TRIM13: variants seen among roughly 807,000 people sequenced by gnomAD.
TRIM13 encodes E3 ubiquitin-protein ligase TRIM13.
In TRIM13, 15 loss-of-function variants were observed where a neutral mutation model predicts 27.1. The ratio of observed to expected loss-of-function variants is 0.55; its 90% CI spans 0.37 to 0.85. The LOEUF is 0.85. Ranked by LOEUF, TRIM13 falls within the 40% of genes least tolerant of loss-of-function variation. The pLI, the probability that TRIM13 is intolerant of heterozygous loss-of-function variation, is 0.00. For missense variants in TRIM13, 402 were observed against 472.2 expected (o/e 0.85, Z 1.38); for synonymous variants, 193 against 171.5 (o/e 1.13, Z -0.98).
chr13:50,003,782 G>C (rs1194899025), intron 1 of TRIM13, among the ~76,000 whole-genome samples: 1 of 152,156 alleles, frequency 6.6e-6, no homozygotes, highest in Non-Finnish European at 1.5e-5. Context: ...CATAGTGGTG[G>C]TATGCAACTT....
At position 50,014,960 on chromosome 13, in the gene TRIM13, T is replaced by C. The variant is rs1306225106; in HGVS notation, c.*1796T>C. On this transcript the variant is annotated 3_prime_UTR_variant, in exon 2 of 2. Transcript: ENST00000378182. ...TGTCTCATTCCTAACATGTAATTCA[T>C]GATTTAGCCACTAAATTTCTAAGGA... 1.8e-5 allele frequency: 3 copies of C among 165,828 alleles called. No individual in the cohort carries two copies. The highest frequency in any genetic ancestry group is 1.3e-4 in the Admixed American group (2 of 15,124). The allele number at this position is 165,828 out of a possible 1,614,324, so 10.3% of individuals were successfully genotyped here.
rs1876648118 is a variant in TRIM13 at position 50,016,826 on chromosome 13, C to T, written c.*3662C>T. On this transcript the variant is annotated 3_prime_UTR_variant, in exon 2 of 2. Transcript: ENST00000378182. ...TTAATTTTTAGGAGGAAAAGAAAAG[C>T]CTGCATGTGTTCTTTATTGGTATCA... The T allele has an allele frequency of 6.0e-6, 1 of 166,576 alleles. No homozygotes were observed. The highest frequency in any genetic ancestry group is 2.4e-5 in the African/African-American group (1 of 41,300). 10.3% of individuals were successfully genotyped at this position (166,576 alleles called of 1,614,324 possible). A position where few individuals can be genotyped will look rare whatever the true frequency, so the allele number is the denominator to read the frequency against.
At chr13:49,999,107 GCGTCTGGGCCGCTCCCTTTTCCTTGT>G (rs1873668862) in intron 1 of TRIM13, among the ~76,000 whole-genome samples, 8 of 35,786 alleles carry the variant, frequency 2.2e-4, no homozygotes, top group Middle Eastern at 0.033. Context: ...CCCTATGTGG[GCGTCTGGGCCGCTCCCTTTTCCTTGT>G]CACCCTATGT....
At chr13:50,003,195 G>A (rs1874266377) in intron 1 of TRIM13, among the ~76,000 whole-genome samples, 1 of 152,148 alleles carries the variant, frequency 6.6e-6, no homozygotes, top group South Asian at 2.1e-4. Flanking sequence ...TCTATGAAGT[G>A]AGTTTCAATG....
chr13:49,998,640 C>G (rs984359886), intron 1 of TRIM13, among the ~76,000 whole-genome samples: 2 of 151,886 alleles, frequency 1.3e-5, no homozygotes, highest in Non-Finnish European at 2.9e-5. Context: ...AAAGAGTTCT[C>G]GGTGGAATTT....
In TRIM13 at chr13:50,013,266, A is replaced by G. The variant is rs912468784; in HGVS notation, c.*102A>G. On this transcript the variant is annotated 3_prime_UTR_variant, in exon 2 of 2. Transcript: ENST00000378182. ...CGATTCTAGTCACATATTTTCCTCC[A>G]AAAGTATTCCTTCCAAAAATAATCT... 6.6e-6 allele frequency: 8 copies of G among 1,203,702 alleles called. No homozygotes were observed. Among genetic ancestry groups the G allele is most frequent in the Admixed American group, 6.0e-5 (2 of 33,362 alleles). 74.6% of individuals were successfully genotyped at this position (1,203,702 alleles called of 1,614,324 possible). A position where few individuals can be genotyped will look rare whatever the true frequency, so the allele number is the denominator to read the frequency against.
At chr13:50,003,540 C>G (rs976106439) in intron 1 of TRIM13, among the ~76,000 whole-genome samples, 44 of 152,092 alleles carry the variant, frequency 2.9e-4, no homozygotes, top group African/African-American at 9.4e-4. Context: ...GGGTTGATCT[C>G]TTAAAAGAAT....
Position 50,011,915 on chromosome 13 carries a change from A to ATTTTTTT in TRIM13, c.-6-14_-6-8dup. The ATTTTTTT allele has an allele frequency of 8.6e-7, 1 of 1,157,750 alleles. No homozygotes were observed. The highest frequency in any genetic ancestry group is 1.2e-6 in the Non-Finnish European group (1 of 840,684). The allele number at this position is 1,157,750 out of a possible 1,614,324, so 71.7% of individuals were successfully genotyped here. On this transcript the variant is annotated intron_variant, in intron 1 of 1. Transcript: ENST00000378182. ...TGGTGACGGTTATTGGAGTAAAATA[A>ATTTTTTT]TTTTTTTTTTTTCTGGTAGGATGTG... is the stretch of plus-strand genomic sequence containing the variant.
At chr13:50,009,145 AT>A (rs1385625455) in intron 1 of TRIM13, among the ~76,000 whole-genome samples, 5 of 152,150 alleles carry the variant, frequency 3.3e-5, no homozygotes, top group Non-Finnish European at 7.4e-5. Context: ...TGATAAACCC[AT>A]TACAAGTTAA....
chr13:50,008,606 C>T (rs1875124758), intron 1 of TRIM13, among the ~76,000 whole-genome samples: 2 of 152,030 alleles, frequency 1.3e-5, no homozygotes, highest in South Asian at 4.2e-4. Flanking sequence ...CCACTGTAGT[C>T]CAGCCTGGAC....
At chr13:50,008,333 C>T (rs1875083362) in intron 1 of TRIM13, among the ~76,000 whole-genome samples, 1 of 152,156 alleles carries the variant, frequency 6.6e-6, no homozygotes, top group African/African-American at 2.4e-5. Context: ...ATATGTAGTA[C>T]TCTTTGGTTT....
At chr13:50,011,016 C>G (rs181847708) in intron 1 of TRIM13, among the ~76,000 whole-genome samples, 5 of 152,310 alleles carry the variant, frequency 3.3e-5, no homozygotes, top group African/African-American at 1.2e-4. Context: ...ATTTTTACTG[C>G]TGCATCAAGA....
chr13:50,011,874 T>G, intron 1 of TRIM13, 61 bp from the exon 2 acceptor site: 1 of 1,487,828 alleles, frequency 6.7e-7, no homozygotes, highest in Non-Finnish European at 9.0e-7. Flanking sequence ...TTCTTCTAAT[T>G]ATTACATAGT....
rs1876399423 is a variant in TRIM13, at chr13:50,015,327, T to C, written c.*2163T>C. 1.7e-6 allele frequency: 1 copy of C among 595,530 alleles called. No homozygotes were observed. 36.9% of individuals were successfully genotyped at this position (595,530 alleles called of 1,614,324 possible). On this transcript the variant is annotated 3_prime_UTR_variant, in exon 2 of 2. Transcript: ENST00000378182. ...CAACTCGAATTTGCAAACACAGCCA[T>C]GGATACACTATTTACCTTACAGTAG...
At chr13:50,009,744 A>AC (rs1414279727) in intron 1 of TRIM13, among the ~76,000 whole-genome samples, 1 of 130,166 alleles carries the variant, frequency 7.7e-6, no homozygotes, top group Non-Finnish European at 1.7e-5. Flanking sequence ...CTCAAAAAAA[A>AC]AAAAAAAAAA....
chr13:50,006,467 A>G (rs987204020), intron 1 of TRIM13, among the ~76,000 whole-genome samples: 8 of 152,158 alleles, frequency 5.3e-5, no homozygotes, highest in African/African-American at 1.7e-4. Flanking sequence ...TGAGTAAATT[A>G]GGTTTCTTTT....
At chr13:50,000,445 C>T (rs1490029864) in intron 1 of TRIM13, among the ~76,000 whole-genome samples, 1 of 152,096 alleles carries the variant, frequency 6.6e-6, no homozygotes, top group Non-Finnish European at 1.5e-5. Context: ...CTAAATGTTA[C>T]AATACCAAAA....
intron 1 of TRIM13, among the ~76,000 whole-genome samples, chr13:50,010,540 A>T (rs556894166): frequency 1.3e-5 from 2 of 152,328 alleles, no homozygotes; most frequent in South Asian, 4.1e-4. Flanking sequence ...CAGATCTCCA[A>T]ATATTGACAC....
Position 50,012,113 on chromosome 13 carries a change from G to A in TRIM13, c.173G>A (p.Arg58His), listed in dbSNP as rs775821791. The A allele has an allele frequency of 6.2e-7, 1 of 1,614,082 alleles. No individual in the cohort carries two copies. The highest frequency in any genetic ancestry group is 2.2e-5 in the East Asian group (1 of 44,878). Residue 58 changes from arginine to histidine, a missense_variant, in exon 2 of 2, where the codon CGT (arginine) becomes CAT (histidine). Arg to His is a conservative substitution (Grantham distance 29, BLOSUM62 0). Transcript: ENST00000378182. ...RPAPFKCPTC[R>H]KETSATGINS... The stretch of plus-strand genomic sequence containing the variant: ...GCTCCATTCAAGTGTCCTACATGCC[G>A]TAAGGAAACTTCAGCTACTGGAATT...
Sources: gnomAD v4.1 joint callset for allele counts (sites outside exome capture counted in the v4.1 genomes callset) on GRCh38, gnomAD v4.1.1 for gene constraint, MANE v1.5 for transcripts, NCBI Gene and HGNC (gene_info 2026-07-23, HGNC 2026-07-21) for gene names.